Variants in CALN1 observed in about 807,000 individuals in gnomAD.
The protein encoded by CALN1 is calcium-binding protein 8.
A neutral mutation model predicts 30.6 loss-of-function variants in CALN1; 17 were observed. That is an observed-to-expected ratio of 0.56 (90% CI 0.38 to 0.83). The LOEUF (loss-of-function observed/expected upper bound fraction) is 0.83, where lower values mean the gene tolerates loss of function less well. Among genes scored for constraint, CALN1 ranks in the 40% least tolerant of loss-of-function variants. The pLI is 0.00. For missense variants in CALN1, 291 were observed against 354.9 expected (o/e 0.82, Z 1.45); for synonymous variants, 156 against 131.4 (o/e 1.19, Z -1.28).
At chr7:72,328,709 T>C (rs906577239) in intron 2 of CALN1, among the ~76,000 whole-genome samples, 3 of 152,240 alleles carry the variant, frequency 2.0e-5, no homozygotes, top group African/African-American at 7.2e-5. Flanking sequence ...TTATTTACTT[T>C]TGTTGAGACA....
At chr7:72,343,661 G>A (rs1450435166) in intron 2 of CALN1, among the ~76,000 whole-genome samples, 1 of 152,156 alleles carries the variant, frequency 6.6e-6, no homozygotes, top group Non-Finnish European at 1.5e-5. Context: ...TTTTCCAGAT[G>A]CCTATGAGAA....
intron 2 of CALN1, among the ~76,000 whole-genome samples, chr7:72,356,641 A>G (rs1345168797): frequency 6.6e-6 from 1 of 152,032 alleles, no homozygotes; most frequent in Non-Finnish European, 1.5e-5. Flanking sequence ...CTAATAATAT[A>G]GGCTCAAAAT....
chr7:72,326,703 C>T (rs1302228347), intron 2 of CALN1, among the ~76,000 whole-genome samples: 1 of 152,130 alleles, frequency 6.6e-6, no homozygotes, highest in Non-Finnish European at 1.5e-5. Flanking sequence ...GCTCAAAAAC[C>T]CTCTCGGTTT....
intron 3 of CALN1, among the ~76,000 whole-genome samples, chr7:72,225,564 G>A (rs141333330): frequency 2.6e-5 from 4 of 152,052 alleles, no homozygotes; most frequent in Non-Finnish European, 2.9e-5. Flanking sequence ...CACACAGCTC[G>A]GTCTCTGAAG....
chr7:72,073,246 G>T (rs967198049), intron 4 of CALN1, among the ~76,000 whole-genome samples: 1 of 152,152 alleles, frequency 6.6e-6, no homozygotes, highest in Admixed American at 6.5e-5. Flanking sequence ...GGAACTGGGG[G>T]GAAGGGAGAA....
At chr7:72,490,016 T>C in the CALN1 span, among the ~76,000 whole-genome samples, 1 of 152,206 alleles carries the variant, frequency 6.6e-6, no homozygotes, top group African/African-American at 2.4e-5. Flanking sequence ...TTACTTTCTT[T>C]GGTGTCTTTG....
chr7:72,265,669 C>A (rs1796551502), intron 3 of CALN1, among the ~76,000 whole-genome samples: 1 of 152,086 alleles, frequency 6.6e-6, no homozygotes, highest in Non-Finnish European at 1.5e-5. Context: ...CACGTGGTTA[C>A]TCCTGTTCCT....
At chr7:71,969,129 C>T (rs1797670249) in intron 5 of CALN1, among the ~76,000 whole-genome samples, 1 of 152,038 alleles carries the variant, frequency 6.6e-6, no homozygotes, top group African/African-American at 2.4e-5. Context: ...CATTCAGTCT[C>T]CCCTTCATGT....
At chr7:72,321,436 A>C (rs1800872285) in intron 2 of CALN1, among the ~76,000 whole-genome samples, 1 of 152,208 alleles carries the variant, frequency 6.6e-6, no homozygotes, top group Non-Finnish European at 1.5e-5. Flanking sequence ...TATTCACCAC[A>C]ACACCAAGAA....
chr7:72,178,465 G>A (rs994432884), intron 3 of CALN1, among the ~76,000 whole-genome samples: 1 of 152,120 alleles, frequency 6.6e-6, no homozygotes, highest in Non-Finnish European at 1.5e-5. Flanking sequence ...GGCTGAGGTA[G>A]GTGAATCACG....
At chr7:71,857,911 A>G (rs1475302952) in intron 5 of CALN1, among the ~76,000 whole-genome samples, 7 of 152,164 alleles carry the variant, frequency 4.6e-5, no homozygotes, top group African/African-American at 1.7e-4. Context: ...TGCATATTCT[A>G]TATTTCTATT....
At chr7:72,236,458 G>A (rs1794480217) in intron 3 of CALN1, among the ~76,000 whole-genome samples, 1 of 152,180 alleles carries the variant, frequency 6.6e-6, no homozygotes, top group Non-Finnish European at 1.5e-5. Flanking sequence ...CAATATGGAG[G>A]CTCATATATG....
chr7:71,921,344 A>C lies in CALN1; in HGVS notation c.501+102313T>G, dbSNP rs561214204. On this transcript the variant is annotated intron_variant, in intron 5 of 6. Transcript: ENST00000395275. ...CTGCATGTTCTGCACATGTACCCCA[A>C]GACTTAAAGTATAATAATAAAAAAA... 5.9e-5 allele frequency among the ~76,000 whole-genome samples: 9 copies of C among 152,332 alleles called. No homozygotes were observed. The East Asian group carries it at 1.7e-3, about 29-fold the overall frequency.
intron 2 of CALN1, among the ~76,000 whole-genome samples, chr7:72,288,875 C>T (rs191068249): frequency 2.0e-3 from 300 of 152,250 alleles, no homozygotes; most frequent in African/African-American, 7.1e-3. Flanking sequence ...TTCTTACAAT[C>T]GATACTTATG....
intron 3 of CALN1, among the ~76,000 whole-genome samples, chr7:72,143,771 G>C (rs1448064318): frequency 6.6e-6 from 1 of 152,194 alleles, no homozygotes; most frequent in Non-Finnish European, 1.5e-5. Flanking sequence ...ACTAACAGCT[G>C]ATCTCTCGGC....
intron 2 of CALN1, among the ~76,000 whole-genome samples, chr7:72,386,608 C>T (rs1805223535): frequency 6.6e-6 from 1 of 152,092 alleles, no homozygotes; most frequent in African/African-American, 2.4e-5. Flanking sequence ...TAATAGCTTA[C>T]AGTTGGAGAC....
chr7:72,233,508 G>A (rs1420598322), intron 3 of CALN1, among the ~76,000 whole-genome samples: 2 of 152,022 alleles, frequency 1.3e-5, no homozygotes, highest in African/African-American at 4.8e-5. Context: ...TTGAGACCAG[G>A]AGTTTGAGAC....
chr7:72,066,380 A>G (rs980757132), intron 4 of CALN1, among the ~76,000 whole-genome samples: 1 of 152,194 alleles, frequency 6.6e-6, no homozygotes, highest in Non-Finnish European at 1.5e-5. Context: ...CATCCAGCTC[A>G]TATTTTTCTA....
At chr7:72,212,827 A>G (rs1562745984) in intron 3 of CALN1, among the ~76,000 whole-genome samples, 1 of 152,184 alleles carries the variant, frequency 6.6e-6, no homozygotes, top group Non-Finnish European at 1.5e-5. Context: ...AGAAAACATA[A>G]AAATAAAGAA....
Sources: allele counts gnomAD v4.1 joint callset (sites outside exome capture counted in the v4.1 genomes callset), GRCh38; gene constraint gnomAD v4.1.1; transcripts MANE v1.5; gene names NCBI Gene and HGNC (gene_info 2026-07-23, HGNC 2026-07-21).